The following HDAC4 variants were observed in gnomAD, a reference collection of about 807,000 sequenced individuals.
HDAC4 encodes histone deacetylase A.
HDAC4 carries 16 observed loss-of-function variants against 135.1 expected under a neutral mutation model. The observed-to-expected ratio is 0.12, with a 90% CI of 0.08 to 0.18. HDAC4 has a LOEUF of 0.18. HDAC4 is among the 10% of genes least tolerant of loss of function. The pLI, the probability that HDAC4 is intolerant of heterozygous loss-of-function variation, is 1.00. For synonymous variants in HDAC4, 685 were observed against 653.4 expected, an observed-to-expected ratio of 1.05 and a Z score of -0.74; for missense variants, 1,143 against 1,511.8, an observed-to-expected ratio of 0.76 and a Z score of 4.05.
At chr2:239,355,675 C>A (rs192995766) in intron 1 of HDAC4, among the ~76,000 whole-genome samples, 1 of 152,204 alleles carries the variant, frequency 6.6e-6, no homozygotes, top group East Asian at 1.9e-4. Flanking sequence ...TCTGGGATAC[C>A]CTTTTTTTGA....
intron 1 of HDAC4, among the ~76,000 whole-genome samples, chr2:239,391,846 C>CAT (rs1559405149): frequency 2.0e-5 from 3 of 152,244 alleles, no homozygotes; most frequent in Non-Finnish European, 4.4e-5. Flanking sequence ...GCAGCTCCCA[C>CAT]GTGCCTCAGC....
intron 2 of HDAC4, among the ~76,000 whole-genome samples, chr2:239,256,064 C>T (rs958241441): frequency 5.3e-5 from 8 of 152,222 alleles, no homozygotes; most frequent in African/African-American, 1.7e-4. Context: ...TATTTTAATG[C>T]AAACAGCATC....
At chr2:239,283,461 T>C (rs2125410280) in intron 2 of HDAC4, among the ~76,000 whole-genome samples, 1 of 152,080 alleles carries the variant, frequency 6.6e-6, no homozygotes, top group Non-Finnish European at 1.5e-5. Flanking sequence ...GCAGCGAGTG[T>C]CGGGCTGGCC....
At chr2:239,280,067 T>C (rs2050616244) in intron 2 of HDAC4, among the ~76,000 whole-genome samples, 1 of 152,162 alleles carries the variant, frequency 6.6e-6, no homozygotes, top group Non-Finnish European at 1.5e-5. Context: ...CACCCTGGGA[T>C]TCCAGCTCGT....
intron 2 of HDAC4, among the ~76,000 whole-genome samples, chr2:239,312,259 A>G (rs1166601013): frequency 6.6e-6 from 1 of 152,106 alleles, no homozygotes; most frequent in East Asian, 1.9e-4. Context: ...CTCCCAACTA[A>G]GAGAACCCTG....
At chr2:239,148,391 A>G (rs181479395) in intron 7 of HDAC4, among the ~76,000 whole-genome samples, 24 of 152,334 alleles carry the variant, frequency 1.6e-4, no homozygotes, top group African/African-American at 5.5e-4. Flanking sequence ...GAGAATCAGC[A>G]GGGTGGAGAA....
intron 4 of HDAC4, among the ~76,000 whole-genome samples, chr2:239,184,986 T>C (rs2044443390): frequency 7.6e-6 from 1 of 132,232 alleles, no homozygotes; most frequent in Non-Finnish European, 1.6e-5. Flanking sequence ...TTGGTGTCTA[T>C]CATGGAGGGC....
At chr2:239,175,596 G>A (rs2043714581) in intron 5 of HDAC4, among the ~76,000 whole-genome samples, 1 of 152,214 alleles carries the variant, frequency 6.6e-6, no homozygotes, top group African/African-American at 2.4e-5. Flanking sequence ...CCCCACAGAA[G>A]GCAAAATTCA....
chr2:239,396,793 G>T (rs1199141461), intron 1 of HDAC4, among the ~76,000 whole-genome samples: 2 of 152,206 alleles, frequency 1.3e-5, no homozygotes, highest in Non-Finnish European at 2.9e-5. Context: ...TGAAAGAGTA[G>T]ATTAACTTGG....
chr2:239,261,077 G>A (rs2125092763), intron 2 of HDAC4, among the ~76,000 whole-genome samples: 1 of 152,204 alleles, frequency 6.6e-6, no homozygotes, highest in East Asian at 1.9e-4. Flanking sequence ...TGGATGTTTT[G>A]TTTGTTTCTG....
At chr2:239,345,972 AAC>A (rs758621306) in intron 2 of HDAC4, among the ~76,000 whole-genome samples, 8 of 149,938 alleles carry the variant, frequency 5.3e-5, no homozygotes, top group African/African-American at 7.4e-5. Context: ...CACCGTCTGA[AAC>A]ACATATACCA....
At chr2:239,199,054 T>C (rs1478686978) in intron 3 of HDAC4, among the ~76,000 whole-genome samples, 2 of 152,128 alleles carry the variant, frequency 1.3e-5, no homozygotes, top group African/African-American at 4.8e-5. Flanking sequence ...CCAAATACAT[T>C]GTAATTAGCT....
chr2:239,080,323 G>A (rs988156759), intron 22 of HDAC4, among the ~76,000 whole-genome samples: 3 of 152,248 alleles, frequency 2.0e-5, no homozygotes, highest in African/African-American at 2.4e-5. Context: ...TACTGACAGC[G>A]TTTTCTAACA....
rs140266430 is a variant in HDAC4 at position 239,189,988 on chromosome 2, C to T, written c.184G>A (p.Ala62Thr). 1.6e-5 allele frequency: 26 copies of T among 1,606,860 alleles called. No individual in the cohort carries two copies. The African/African-American group carries it at 3.5e-4, about 21-fold the overall frequency. ...RLDHQFSLPV[A>T]EPALREQQLQ... ...TGCTGCTCCCGCAGGGCCGGCTCTG[C>T]CACAGGCAGTGAGAACTGGTGGTCC... Residue 62 changes from alanine (A) to threonine (T), a missense_variant, in exon 4 of 27, where the codon GCA (alanine) becomes ACA (threonine). This residue lies in a region of HDAC4 where 247 missense variants were observed against 310.0 expected (regional missense o/e 0.80). Coordinates refer to ENST00000543185, the MANE Select transcript of HDAC4 (RefSeq NM_001378414.1).
At chr2:239,379,374 G>A (rs892551467) in intron 1 of HDAC4, among the ~76,000 whole-genome samples, 1 of 152,164 alleles carries the variant, frequency 6.6e-6, no homozygotes, top group African/African-American at 2.4e-5. Context: ...GGGCATGCTG[G>A]CAGTCACTGA....
intron 3 of HDAC4, among the ~76,000 whole-genome samples, chr2:239,209,361 C>T (rs1161474): frequency 0.54 from 82,822 of 152,064 alleles, 23,692 homozygotes; most frequent in South Asian, 0.72. Flanking sequence ...AACTGAGAAG[C>T]AGTTGAGGTG....
chr2:239,231,134 C>T (rs921203668), intron 3 of HDAC4, among the ~76,000 whole-genome samples: 13 of 152,124 alleles, frequency 8.5e-5, no homozygotes, highest in African/African-American at 3.1e-4. Context: ...AAAAATGGTG[C>T]TTTTGAAACA....
chr2:239,281,127 T>C (rs1368095554), intron 2 of HDAC4, among the ~76,000 whole-genome samples: 1 of 116,930 alleles, frequency 8.6e-6, no homozygotes, highest in Non-Finnish European at 1.8e-5. Flanking sequence ...CCACTCTCAA[T>C]GTACACACCA....
At chr2:239,202,356 T>A (rs114129104) in intron 3 of HDAC4, among the ~76,000 whole-genome samples, 3,042 of 152,242 alleles carry the variant, frequency 0.02, 100 homozygotes, top group African/African-American at 0.069. Flanking sequence ...ATTTCCAGTG[T>A]GGACTTAAGA....
Sources: allele counts gnomAD v4.1 joint callset (sites outside exome capture counted in the v4.1 genomes callset), GRCh38; gene constraint gnomAD v4.1.1; regional missense constraint gnomAD v4.1.1; transcripts MANE v1.5; gene names NCBI Gene and HGNC (gene_info 2026-07-23, HGNC 2026-07-21).